Variants in CALCR observed in about 807,000 individuals in gnomAD.
CALCR encodes the protein calcitonin receptor.
A neutral mutation model predicts 59.5 loss-of-function variants in CALCR; 47 were observed. The ratio of observed to expected loss-of-function variants is 0.79; its 90% CI spans 0.63 to 1.01. The LOEUF (loss-of-function observed/expected upper bound fraction) is 1.01, where lower values mean the gene tolerates loss of function less well. Among genes scored for constraint, CALCR ranks in the 50% least tolerant of loss-of-function variants. The probability of loss-of-function intolerance (pLI) is 0.00; values close to 1 mark genes in which losing one functional copy is unlikely to be tolerated. For synonymous variants in CALCR, 213 were observed against 211.3 expected, an observed-to-expected ratio of 1.01 and a Z score of -0.07; for missense variants, 566 against 597.1, an observed-to-expected ratio of 0.95 and a Z score of 0.54.
chr7:93,536,852 A>G (rs1329255012), intron 2 of CALCR, among the ~76,000 whole-genome samples: 2 of 151,860 alleles, frequency 1.3e-5, no homozygotes, highest in Admixed American at 6.6e-5. Flanking sequence ...TAATGGTATT[A>G]TATCACTGTT....
At chr7:93,459,207 TG>T (rs1266048593) in intron 8 of CALCR, among the ~76,000 whole-genome samples, 3 of 152,142 alleles carry the variant, frequency 2.0e-5, no homozygotes, top group Non-Finnish European at 4.4e-5. Context: ...ATCTGGTAGA[TG>T]TGGAAAACTA....
chr7:93,438,187 T>G, intron 10 of CALCR, 23 bp downstream of exon 10: 1 of 1,610,474 alleles, frequency 6.2e-7, no homozygotes, highest in Non-Finnish European at 8.5e-7. Flanking sequence ...ATATGTTAAC[T>G]TAAACATCAC....
chr7:93,447,369 A>G (rs940982826), intron 8 of CALCR, among the ~76,000 whole-genome samples: 5 of 152,062 alleles, frequency 3.3e-5, no homozygotes, highest in African/African-American at 1.2e-4. Flanking sequence ...TACATAACAT[A>G]GGAAATCTTG....
rs142345804 is a variant in CALCR at position 93,505,819 on chromosome 7, G to A, written c.-26-18812C>T. 5.6e-3 allele frequency among the ~76,000 whole-genome samples: 853 copies of A among 152,288 alleles called. 7 individuals carry two copies. Among genetic ancestry groups the A allele is most frequent in the African/African-American group, 0.02 (819 of 41,562 alleles). Reference sequence around the variant, plus strand: ...TAAAAGGCCACCTGGGACTAGGTATGTTCAAAATGGCGGCTCCACCTTCCC... The same window carrying A: ...TAAAAGGCCACCTGGGACTAGGTATATTCAAAATGGCGGCTCCACCTTCCC... On this transcript the variant is annotated intron_variant, in intron 2 of 13. Transcript: ENST00000426151.
chr7:93,526,882 T>C (rs973508225), intron 2 of CALCR, among the ~76,000 whole-genome samples: 7 of 152,054 alleles, frequency 4.6e-5, no homozygotes, highest in Non-Finnish European at 1.0e-4. Flanking sequence ...AAAAATAAAA[T>C]TCTAGCTTTG....
At chr7:93,568,880 AT>A (rs1016719012) in intron 2 of CALCR, among the ~76,000 whole-genome samples, 15 of 151,124 alleles carry the variant, frequency 9.9e-5, no homozygotes, top group East Asian at 9.7e-4. Flanking sequence ...CAAAGACATT[AT>A]TTTTTTTTCC....
intron 8 of CALCR, among the ~76,000 whole-genome samples, chr7:93,452,765 G>A (rs1379887460): frequency 2.0e-5 from 3 of 151,900 alleles, no homozygotes; most frequent in Non-Finnish European, 4.4e-5. Context: ...GAAGCACTTT[G>A]GAAGTATTAA....
chr7:93,503,549 C>G (rs1469252597), intron 2 of CALCR, among the ~76,000 whole-genome samples: 1 of 151,980 alleles, frequency 6.6e-6, no homozygotes, highest in African/African-American at 2.4e-5. Context: ...TTTGATTTTG[C>G]TTGCCTGCAT....
chr7:93,461,500 T>C (rs1199833989), intron 7 of CALCR, among the ~76,000 whole-genome samples: 2 of 152,162 alleles, frequency 1.3e-5, no homozygotes, highest in Non-Finnish European at 2.9e-5. Context: ...ATATTTCAAC[T>C]AGAATCATCA....
chr7:93,429,882 A>G (rs1799611612), intron 13 of CALCR, among the ~76,000 whole-genome samples: 1 of 149,276 alleles, frequency 6.7e-6, no homozygotes. Flanking sequence ...TAAATTCCCT[A>G]GAAGTTAAAA....
chr7:93,498,614 C>A (rs1490046979), intron 2 of CALCR, among the ~76,000 whole-genome samples: 1 of 151,414 alleles, frequency 6.6e-6, no homozygotes, highest in South Asian at 2.1e-4. Flanking sequence ...TAAGATGAAG[C>A]CAAACTTCGA....
At chr7:93,491,685 T>A (rs962289215) in intron 2 of CALCR, among the ~76,000 whole-genome samples, 3 of 151,954 alleles carry the variant, frequency 2.0e-5, no homozygotes. Context: ...GAAATGTAAA[T>A]CAAAACCACA....
intron 9 of CALCR, 26 bp from the exon 10 acceptor site, chr7:93,438,296 C>T: frequency 6.3e-7 from 1 of 1,584,266 alleles, no homozygotes; most frequent in Non-Finnish European, 8.7e-7. Context: ...GTACAAATCA[C>T]ACTTGGTTTC....
intron 2 of CALCR, among the ~76,000 whole-genome samples, chr7:93,515,091 T>A (rs1801622386): frequency 6.6e-6 from 1 of 152,014 alleles, no homozygotes; most frequent in South Asian, 2.1e-4. Flanking sequence ...AAATCCTTTT[T>A]CTTCATACCC....
intron 2 of CALCR, among the ~76,000 whole-genome samples, chr7:93,546,800 A>T (rs1255462605): frequency 1.3e-5 from 2 of 151,530 alleles, no homozygotes; most frequent in Admixed American, 1.3e-4. Context: ...GGCTCAAGTG[A>T]TCCACCTGCC....
chr7:93,475,743 C>A (rs960050726), intron 5 of CALCR, among the ~76,000 whole-genome samples: 1 of 151,706 alleles, frequency 6.6e-6, no homozygotes, highest in Non-Finnish European at 1.5e-5. Context: ...ACTGTTATAA[C>A]TATCAAGAAT....
intron 2 of CALCR, among the ~76,000 whole-genome samples, chr7:93,538,095 T>C (rs574187445): frequency 2.6e-4 from 40 of 152,078 alleles, no homozygotes; most frequent in African/African-American, 9.6e-4. Flanking sequence ...ACATAGAACA[T>C]ATAACAAGAG....
At chr7:93,561,485 C>T (rs1789747047) in intron 2 of CALCR, among the ~76,000 whole-genome samples, 1 of 151,936 alleles carries the variant, frequency 6.6e-6, no homozygotes, top group African/African-American at 2.4e-5. Context: ...AATACAATTC[C>T]TTTTCCAGTG....
chr7:93,519,080 T>A lies in CALCR; in HGVS notation c.-26-32073A>T, dbSNP rs146925456. 3.6e-3 allele frequency among the ~76,000 whole-genome samples: 542 copies of A among 152,074 alleles called. 6 individuals are homozygous for A. The highest frequency in any genetic ancestry group is 0.012 in the African/African-American group (514 of 41,524). On this transcript the variant is annotated intron_variant, in intron 2 of 13. Transcript: ENST00000426151. ...TTATGCTTATTAACACTGCTGTATA[T>A]AATCTTCTATTTTTTAAGAGTTCTT...
Sources: allele counts gnomAD v4.1 joint callset (sites outside exome capture counted in the v4.1 genomes callset), GRCh38; gene constraint gnomAD v4.1.1; transcripts MANE v1.5; gene names NCBI Gene and HGNC (gene_info 2026-07-23, HGNC 2026-07-21).